Variants in PLS3 observed in about 807,000 individuals in gnomAD.
The protein encoded by PLS3 is plastin-3.
In PLS3, 11 loss-of-function variants were observed where a neutral mutation model predicts 46.5. The observed-to-expected ratio is 0.24, with a 90% CI of 0.15 to 0.39. PLS3 has a LOEUF of 0.39. Among genes scored for constraint, PLS3 ranks in the 10% least tolerant of loss-of-function variants. The pLI is 1.00. For missense variants in PLS3, 308 were observed against 461.8 expected (o/e 0.67, Z 3.05); for synonymous variants, 167 against 162.2 (o/e 1.03, Z -0.22).
At chrX:115,563,653 A>G (rs1194025113) in intron 1 of PLS3, among the ~76,000 whole-genome samples, 1 of 112,153 alleles carries the variant, frequency 8.9e-6, no homozygotes, top group Non-Finnish European at 1.9e-5. Flanking sequence ...TTCTTTTGCC[A>G]AAAACCCTTT....
chrX:115,590,300 C>T (rs782231923), intron 1 of PLS3, among the ~76,000 whole-genome samples: 1 of 111,215 alleles, frequency 9.0e-6, no homozygotes, highest in Non-Finnish European at 1.9e-5. Flanking sequence ...CTGTGGCCTG[C>T]TGATGAAAAT....
chrX:115,632,808 T>C (rs1308537435), intron 5 of PLS3, among the ~76,000 whole-genome samples: 1 of 110,141 alleles, frequency 9.1e-6, no homozygotes, highest in African/African-American at 3.3e-5. Context: ...CATGGCTCAC[T>C]ACCGCCATGA....
At chrX:115,605,804 G>A (rs1437418003) in intron 1 of PLS3, among the ~76,000 whole-genome samples, 3 of 111,603 alleles carry the variant, frequency 2.7e-5, no homozygotes, top group African/African-American at 9.8e-5. Context: ...TGGCCACTCT[G>A]AGAAGAAATT....
chrX:115,610,035 G>A (rs957428554), intron 1 of PLS3, among the ~76,000 whole-genome samples: 44 of 112,092 alleles, frequency 3.9e-4, no homozygotes, highest in African/African-American at 1.4e-3. Flanking sequence ...GGAAAATTCA[G>A]AAATATTTTT....
At chrX:115,602,598 A>T (rs1323707364) in intron 1 of PLS3, among the ~76,000 whole-genome samples, 2 of 111,453 alleles carry the variant, frequency 1.8e-5, no homozygotes, top group Non-Finnish European at 3.8e-5. Context: ...GGAAGGTGAC[A>T]ACACCCCTTT....
At position 115,625,593 on chromosome X, in the gene PLS3, TAAA is replaced by T. The variant is rs66850665; in HGVS notation, c.237+3196_237+3198del. 1.4e-4 allele frequency among the ~76,000 whole-genome samples: 14 copies of T among 99,141 alleles called. 1 individual carries two copies. In the South Asian group the frequency reaches 5.0e-3, roughly 35 times the overall value. 86.1% of individuals were successfully genotyped at this position (99,141 alleles called of 115,157 possible). On this transcript the variant is annotated intron_variant, in intron 3 of 15. Transcript: ENST00000355899. ...TTAGTTGCTGGGGTAGTTCTTTCTT[TAAA>T]AAAAAAAAAAAGAAGTTATGTTTTT...
At chrX:115,569,862 CA>C (rs2074201916) in intron 1 of PLS3, among the ~76,000 whole-genome samples, 2 of 112,011 alleles carry the variant, frequency 1.8e-5, no homozygotes, top group African/African-American at 6.5e-5. Flanking sequence ...TCAGGGGCAT[CA>C]TTTACATGCT....
chrX:115,571,082 G>A (rs782544469), intron 1 of PLS3, among the ~76,000 whole-genome samples: 1 of 109,826 alleles, frequency 9.1e-6, no homozygotes, highest in South Asian at 4.0e-4. Flanking sequence ...TTTTAGTAGA[G>A]ACGGGGTTTC....
chrX:115,595,267 A>T (rs1351181737), intron 1 of PLS3, among the ~76,000 whole-genome samples: 1 of 112,026 alleles, frequency 8.9e-6, no homozygotes, highest in Non-Finnish European at 1.9e-5. Flanking sequence ...CCTCCAGGAA[A>T]TGACACAGGA....
intron 1 of PLS3, among the ~76,000 whole-genome samples, chrX:115,562,138 C>G (rs947223111): frequency 9.0e-6 from 1 of 110,627 alleles, no homozygotes; most frequent in East Asian, 2.9e-4. Flanking sequence ...GTCTACCCCC[C>G]CGCCCTTTCC....
chrX:115,603,140 G>C (rs1204108577), intron 1 of PLS3, among the ~76,000 whole-genome samples: 1 of 111,493 alleles, frequency 9.0e-6, no homozygotes, highest in Non-Finnish European at 1.9e-5. Flanking sequence ...TTTATGTATA[G>C]TTAAATGAGC....
chrX:115,611,294 A>C (rs2074545925), intron 2 of PLS3, among the ~76,000 whole-genome samples: 1 of 113,094 alleles, frequency 8.8e-6, no homozygotes, highest in South Asian at 3.6e-4. Context: ...ATCCCATCAA[A>C]ATTTTAACTA....
chrX:115,587,811 C>G (rs2074320274), intron 1 of PLS3, among the ~76,000 whole-genome samples: 1 of 110,114 alleles, frequency 9.1e-6, no homozygotes, highest in East Asian at 2.8e-4. Flanking sequence ...GAGTATCTAA[C>G]AGATACTTTA....
intron 3 of PLS3, among the ~76,000 whole-genome samples, chrX:115,628,677 A>T (rs192617685): frequency 8.0e-4 from 90 of 112,122 alleles, no homozygotes; most frequent in Non-Finnish European, 5.6e-5. Context: ...TTTATTCTTG[A>T]TAGTCATCTA....
At chrX:115,634,809 G>A in intron 6 of PLS3, 72 bp from the exon 7 acceptor site, 1 of 941,897 alleles carries the variant, frequency 1.1e-6, no homozygotes, top group East Asian at 3.1e-5. Flanking sequence ...GTTATTTTCA[G>A]TGAAGGGAGA....
intron 1 of PLS3, among the ~76,000 whole-genome samples, chrX:115,596,026 A>C (rs781798871): frequency 3.0e-4 from 34 of 112,068 alleles, no homozygotes; most frequent in African/African-American, 1.1e-3. Flanking sequence ...CTTGAATGCC[A>C]AAATGGTTGA....
chrX:115,635,150 T>A, intron 7 of PLS3, 104 bp downstream of exon 7: 3 of 656,404 alleles, frequency 4.6e-6, no homozygotes, highest in Non-Finnish European at 7.1e-6. Context: ...TGGTGGTAAC[T>A]AGAATGAACA....
chrX:115,572,795 T>C (rs1206829343), intron 1 of PLS3, among the ~76,000 whole-genome samples: 3 of 111,004 alleles, frequency 2.7e-5, no homozygotes, highest in African/African-American at 9.8e-5. Flanking sequence ...TATTCATAAA[T>C]GTAGAAAATG....
intron 2 of PLS3, 57 bp from the exon 3 acceptor site, chrX:115,622,189 C>CT: frequency 2.0e-6 from 2 of 975,768 alleles, no homozygotes; most frequent in East Asian, 3.1e-5. Context: ...GGGAAATACT[C>CT]TAACTTCTGT....
Sources: gnomAD v4.1 joint callset for allele counts (sites outside exome capture counted in the v4.1 genomes callset) on GRCh38, gnomAD v4.1.1 for gene constraint, MANE v1.5 for transcripts, NCBI Gene and HGNC (gene_info 2026-07-23, HGNC 2026-07-21) for gene names.